The following ABCA13 variants were observed in gnomAD, a reference collection of about 807,000 sequenced individuals.
ABCA13 encodes the protein ATP binding cassette subfamily A member 13, also known as ATP-binding cassette sub-family A member 13.
ABCA13 carries 476 observed loss-of-function variants against 478.7 expected under a neutral mutation model. The observed-to-expected ratio is 0.99, with a 90% CI of 0.92 to 1.07. The LOEUF (loss-of-function observed/expected upper bound fraction) is 1.07. Ranked by LOEUF, ABCA13 falls within the 50% of genes least tolerant of loss-of-function variation. The probability of loss-of-function intolerance (pLI) is 0.00; values close to 1 mark genes in which losing one functional copy is unlikely to be tolerated. For missense variants in ABCA13, 6,060 were observed against 5,910.6 expected (o/e 1.03, Z -0.83); for synonymous variants, 2,252 against 2,158.9 (o/e 1.04, Z -1.20).
intron 29 of ABCA13, among the ~76,000 whole-genome samples, chr7:48,347,840 A>T (rs2128973973): frequency 6.6e-6 from 1 of 152,378 alleles, no homozygotes; most frequent in African/African-American, 2.4e-5. Flanking sequence ...ACTAGGAAAT[A>T]GTTATTGAGT....
chr7:48,520,261 T>G lies in ABCA13; in HGVS notation c.14018T>G (p.Val4673Gly), dbSNP rs759031377. 1 of 1,613,186 alleles carries G rather than the reference T, an allele frequency of 6.2e-7. No individual in the cohort carries two copies. The highest frequency in any genetic ancestry group is 1.3e-5 in the African/African-American group (1 of 74,868). The part of the protein sequence containing the change: ...SQGTVLLLLR[V>G]LLHWDLLRWP... ...GGCACAGTACTTCTCCTCTTGAGGG[T>G]TCTGCTACACTGGGACCTTCTGCGA... The change falls in exon 53 of 62, where the codon GTT becomes GGT. Residue 4673 changes from valine (V) to glycine (G), a missense_variant. Coordinates refer to ENST00000435803, the MANE Select transcript of ABCA13 (RefSeq NM_152701.5).
chr7:48,585,059 T>G (rs1789044556), intron 56 of ABCA13, among the ~76,000 whole-genome samples: 1 of 152,196 alleles, frequency 6.6e-6, no homozygotes, highest in African/African-American at 2.4e-5. Context: ...TCTTGGCCAT[T>G]CTTCTGTGAG....
intron 55 of ABCA13, among the ~76,000 whole-genome samples, chr7:48,554,063 GA>G (rs1389096550): frequency 6.6e-6 from 1 of 151,968 alleles, no homozygotes; most frequent in Non-Finnish European, 1.5e-5. Flanking sequence ...AGTTTTCCCA[GA>G]ACCATTTATT....
intron 54 of ABCA13, among the ~76,000 whole-genome samples, chr7:48,525,799 A>T (rs1251706803): frequency 6.6e-6 from 1 of 150,510 alleles, no homozygotes; most frequent in East Asian, 2.0e-4. Context: ...CATAGTTGTA[A>T]ATGTGTGCTG....
At chr7:48,287,635 G>A (rs770945917) in intron 19 of ABCA13, among the ~76,000 whole-genome samples, 1 of 152,194 alleles carries the variant, frequency 6.6e-6, no homozygotes, top group Non-Finnish European at 1.5e-5. Context: ...GCAAGAATAG[G>A]TGAAAAGCAA....
intron 3 of ABCA13, among the ~76,000 whole-genome samples, chr7:48,206,018 C>A (rs1562777347): frequency 6.6e-6 from 1 of 152,158 alleles, no homozygotes; most frequent in East Asian, 1.9e-4. Context: ...TATCCCAGCC[C>A]AACCTACCTC....
chr7:48,378,952 A>G (rs1444347173), intron 35 of ABCA13, among the ~76,000 whole-genome samples: 1 of 152,184 alleles, frequency 6.6e-6, no homozygotes, highest in Admixed American at 6.5e-5. Context: ...ACTCATTTCA[A>G]CATTTTGTTT....
intron 15 of ABCA13, among the ~76,000 whole-genome samples, chr7:48,256,523 A>T (rs1238703540): frequency 6.6e-6 from 1 of 152,190 alleles, no homozygotes; most frequent in African/African-American, 2.4e-5. Context: ...ATGGCTAGCC[A>T]GTTATTCCAG....
Position 48,372,595 on chromosome 7 carries a change from C to G in ABCA13, c.11133+98C>G, listed in dbSNP as rs545460621. 2.7e-4 allele frequency: 269 copies of G among 1,013,586 alleles called. No individual in the cohort carries two copies. The African/African-American group carries it at 4.1e-3, about 15-fold the overall frequency. 62.8% of individuals were successfully genotyped at this position (1,013,586 alleles called of 1,614,324 possible). A position where few individuals can be genotyped will look rare whatever the true frequency, so the allele number is the denominator to read the frequency against. ...CACCACTCTCACTTTTTCAATTTGT[C>G]ATGTTCATATCTACATGGGCTTTCT... On this transcript the variant is annotated intron_variant, in intron 33 of 61. Transcript: ENST00000435803.
chr7:48,515,282 G>T (rs1832022519), intron 51 of ABCA13, among the ~76,000 whole-genome samples: 1 of 152,236 alleles, frequency 6.6e-6, no homozygotes, highest in African/African-American at 2.4e-5. Flanking sequence ...TGGGAAAGTT[G>T]TGATTCAAAA....
At chr7:48,250,707 T>G (rs1178942304) in intron 15 of ABCA13, among the ~76,000 whole-genome samples, 4 of 151,914 alleles carry the variant, frequency 2.6e-5, no homozygotes, top group Non-Finnish European at 1.5e-5. Flanking sequence ...TCACAGGGAG[T>G]CCTCCTGTTC....
chr7:48,464,868 A>G (rs750293643), intron 43 of ABCA13, among the ~76,000 whole-genome samples: 2 of 152,192 alleles, frequency 1.3e-5, no homozygotes, highest in Non-Finnish European at 2.9e-5. Flanking sequence ...GTGAAGATGT[A>G]TACTAAGGCC....
At chr7:48,249,638 T>G (rs537531292) in intron 15 of ABCA13, among the ~76,000 whole-genome samples, 130 of 152,328 alleles carry the variant, frequency 8.5e-4, no homozygotes, top group Non-Finnish European at 1.5e-3. Flanking sequence ...TACTTCTATA[T>G]GCAGACTAGT....
intron 57 of ABCA13, among the ~76,000 whole-genome samples, chr7:48,594,144 T>C (rs1372002666): frequency 6.6e-6 from 1 of 152,130 alleles, no homozygotes; most frequent in Non-Finnish European, 1.5e-5. Flanking sequence ...TAATAAGCAT[T>C]CTGCTGCCCC....
intron 39 of ABCA13, chr7:48,404,531 A>G (rs1365887243): frequency 6.5e-6 from 1 of 154,116 alleles, no homozygotes; most frequent in African/African-American, 2.4e-5. Context: ...CATCAGTGGC[A>G]GGATTAATAC....
In ABCA13 at chr7:48,278,629, G is replaced by A. The variant is rs187056278; in HGVS notation, c.7435G>A (p.Val2479Ile). ...AACATTAGAAATTACTAAGAGATTAGTTGGTGCTATTTCAAGAGCAAGTGA... is the reference window on the plus strand; with the variant it reads ...AACATTAGAAATTACTAAGAGATTAATTGGTGCTATTTCAAGAGCAAGTGA... ...RATLEITKRL[V>I]GAISRASEES... Residue 2479 changes from valine to isoleucine, a missense_variant, in exon 18 of 62, where the codon GTT (valine) becomes ATT (isoleucine). Val to Ile is a conservative substitution (Grantham distance 29). Around this residue, in one of 3 missense-constraint regions of ABCA13, gnomAD observed 4,423 missense variants for 4,309.1 expected, o/e 1.03. Coordinates refer to ENST00000435803, the MANE Select transcript of ABCA13 (RefSeq NM_152701.5). The A allele has an allele frequency of 1.3e-5, 21 of 1,613,698 alleles. No individual in the cohort carries two copies. The East Asian group carries it at 4.5e-4, about 34-fold the overall frequency.
In ABCA13 at chr7:48,376,158, C is replaced by T. The variant is rs118063526; in HGVS notation, c.11204-283C>T. 8.4e-3 allele frequency among the ~76,000 whole-genome samples: 1,279 copies of T among 152,226 alleles called. 6 individuals carry two copies. Among genetic ancestry groups the T allele is most frequent in the Non-Finnish European group, 0.012 (844 of 67,980 alleles). ...CCTTAAATATAAAGTCCTTTCTACT[C>T]AGGTAAATAAAACCAGATATGAGTA... On this transcript the variant is annotated intron_variant, in intron 34 of 61. Coordinates refer to ENST00000435803, the MANE Select transcript of ABCA13 (RefSeq NM_152701.5).
rs763115419 is a variant in ABCA13 at position 48,227,421 on chromosome 7, T to C, written c.628T>C (p.Leu210=). The C allele has an allele frequency of 1.9e-6, 3 of 1,613,604 alleles. No individual in the cohort carries two copies. Among genetic ancestry groups the C allele is most frequent in the African/African-American group, 2.7e-5 (2 of 74,910 alleles). The change falls in exon 6 of 62, where the codon TTG becomes CTG. Residue 210 remains leucine (L), a synonymous_variant. Coordinates refer to ENST00000435803, the MANE Select transcript of ABCA13 (RefSeq NM_152701.5). ...TGCAGTGAACCTTCTCCAGACCATTTTGAAGTGAGTGAAAAAGAAAAACAT... is the reference window on the plus strand; with the variant it reads ...TGCAGTGAACCTTCTCCAGACCATTCTGAAGTGAGTGAAAAAGAAAAACAT... ...DVAVNLLQTI[L]NSLISLEDLD...
At chr7:48,562,957 T>A (rs1786614832) in intron 55 of ABCA13, among the ~76,000 whole-genome samples, 1 of 109,898 alleles carries the variant, frequency 9.1e-6, no homozygotes, top group Admixed American at 8.9e-5. Flanking sequence ...TATGTATGTG[T>A]GTATATATAT....
Sources: allele counts gnomAD v4.1 joint callset (sites outside exome capture counted in the v4.1 genomes callset), GRCh38; gene constraint gnomAD v4.1.1; regional missense constraint gnomAD v4.1.1; transcripts MANE v1.5; gene names NCBI Gene and HGNC (gene_info 2026-07-23, HGNC 2026-07-21).